The following NFIA variants were observed in gnomAD, a reference collection of about 807,000 sequenced individuals.
The protein encoded by NFIA is nuclear factor 1 A-type.
In NFIA, 8 loss-of-function variants were observed where a neutral mutation model predicts 62.8. The ratio of observed to expected loss-of-function variants is 0.13; its 90% CI spans 0.07 to 0.23. The LOEUF is 0.23. Ranked by LOEUF, NFIA falls within the 10% of genes least tolerant of loss-of-function variation. The pLI is 1.00. For missense variants in NFIA, 410 were observed against 642.1 expected (o/e 0.64, Z 3.91); for synonymous variants, 235 against 238.1 (o/e 0.99, Z 0.12).
At chr1:61,352,167 G>A (rs989316403) in intron 4 of NFIA, among the ~76,000 whole-genome samples, 4 of 152,176 alleles carry the variant, frequency 2.6e-5, no homozygotes, top group Non-Finnish European at 4.4e-5. Context: ...AAAATGTGGG[G>A]AAGTATTTTT....
Position 61,088,754 on chromosome 1 carries a change from G to A in NFIA, c.559+74G>A, listed in dbSNP as rs1646264437. 1.3e-6 allele frequency: 2 copies of A among 1,502,832 alleles called. No individual in the cohort carries two copies. The highest frequency in any genetic ancestry group is 4.0e-5 in the Admixed American group (2 of 49,384). The allele number at this position is 1,502,832 out of a possible 1,614,324, so 93.1% of individuals were successfully genotyped here. A position where few individuals can be genotyped will look rare whatever the true frequency, so the allele number is the denominator to read the frequency against. Reference sequence around the variant, plus strand: ...TCCTGATGGCCTCCGCGTTATGCCGGATTCTTCCTGAGCTCCCCAAGTTGC... The same window carrying A: ...TCCTGATGGCCTCCGCGTTATGCCGAATTCTTCCTGAGCTCCCCAAGTTGC... On this transcript the variant is annotated intron_variant, in intron 2 of 10. Coordinates refer to ENST00000403491, the MANE Select transcript of NFIA (RefSeq NM_001134673.4). The surrounding 1 kb of genome is among the most constrained non-coding windows in gnomAD (Gnocchi z 4.5).
At chr1:61,320,508 G>T (rs771995568) in intron 3 of NFIA, among the ~76,000 whole-genome samples, 3 of 152,130 alleles carry the variant, frequency 2.0e-5, no homozygotes, top group African/African-American at 7.2e-5. Flanking sequence ...ATTTGGAGAC[G>T]TATATAATAG....
At chr1:61,417,308 T>C (rs938096128) in intron 9 of NFIA, among the ~76,000 whole-genome samples, 1 of 147,456 alleles carries the variant, frequency 6.8e-6, no homozygotes, top group Non-Finnish European at 1.5e-5. Flanking sequence ...TATAAGATGA[T>C]TGTGACCATA....
chr1:61,390,331 CA>C (rs369484896), intron 7 of NFIA, among the ~76,000 whole-genome samples: 1,851 of 145,618 alleles, frequency 0.013, 36 homozygotes, highest in African/African-American at 0.04. Context: ...CTTTATGAGT[CA>C]AAAAAAAAAA....
intron 2 of NFIA, among the ~76,000 whole-genome samples, chr1:61,257,329 GTTTTTTTTT>G (rs67912567): frequency 9.1e-5 from 5 of 54,696 alleles, no homozygotes; most frequent in South Asian, 1.2e-3. Context: ...TTACTGCGTT[GTTTTTTTTT>G]TTTTTTTTTT....
chr1:61,296,390 G>A (rs1659190743), intron 3 of NFIA, among the ~76,000 whole-genome samples: 1 of 152,062 alleles, frequency 6.6e-6, no homozygotes, highest in African/African-American at 2.4e-5. Flanking sequence ...CTTTTACTTA[G>A]GCTTTTCTTT....
At chr1:61,182,328 A>AT (rs1180297437) in intron 2 of NFIA, among the ~76,000 whole-genome samples, 1 of 152,192 alleles carries the variant, frequency 6.6e-6, no homozygotes, top group Admixed American at 6.5e-5. Context: ...ACTTGATACT[A>AT]TAAGTCCTAG....
At chr1:61,362,719 G>C (rs1025822128) in intron 6 of NFIA, among the ~76,000 whole-genome samples, 3 of 152,184 alleles carry the variant, frequency 2.0e-5, no homozygotes, top group African/African-American at 7.2e-5. Context: ...AAAAACATCA[G>C]ACAACTTCAG....
Position 61,200,052 on chromosome 1 carries a change from A to G in NFIA, c.560-77468A>G, listed in dbSNP as rs1247004221. Among the ~76,000 whole-genome samples, 265 of 52,278 alleles carry G rather than the reference A, an allele frequency of 5.1e-3. 10 individuals are homozygous for G. Among genetic ancestry groups the G allele is most frequent in the African/African-American group, 0.026 (239 of 9,128 alleles). 34.3% of individuals were successfully genotyped at this position (52,278 alleles called of 152,430 possible). A position where few individuals can be genotyped will look rare whatever the true frequency, so the allele number is the denominator to read the frequency against. ...TATATATATATATATATATATATAT[A>G]TATATATATATATATGTATGTATGT... On this transcript the variant is annotated intron_variant, in intron 2 of 10. Coordinates refer to ENST00000403491, the MANE Select transcript of NFIA (RefSeq NM_001134673.4).
At chr1:61,448,319 A>G (rs6656834) in intron 10 of NFIA, among the ~76,000 whole-genome samples, 24,378 of 152,138 alleles carry the variant, frequency 0.16, 4,610 homozygotes, top group African/African-American at 0.46. Context: ...TTATTTTCTC[A>G]AGAACTTTCT....
At chr1:61,451,660 CA>C (rs1557450074) in intron 10 of NFIA, among the ~76,000 whole-genome samples, 1 of 152,158 alleles carries the variant, frequency 6.6e-6, no homozygotes, top group Non-Finnish European at 1.5e-5. Flanking sequence ...TGGACCTCCA[CA>C]ACAACTATAG....
intron 2 of NFIA, among the ~76,000 whole-genome samples, chr1:61,246,929 A>G (rs1655683540): frequency 1.3e-5 from 2 of 152,220 alleles, no homozygotes; most frequent in African/African-American, 2.4e-5. Flanking sequence ...TGGATGCTCA[A>G]GAATCCTGAA....
intron 2 of NFIA, among the ~76,000 whole-genome samples, chr1:61,157,570 G>A (rs545868544): frequency 6.6e-6 from 1 of 152,350 alleles, no homozygotes; most frequent in Non-Finnish European, 1.5e-5. Context: ...AAACGTGGCA[G>A]CCTGCAGCAC....
intron 3 of NFIA, among the ~76,000 whole-genome samples, chr1:61,322,260 T>C (rs564290690): frequency 6.6e-6 from 1 of 152,334 alleles, no homozygotes; most frequent in South Asian, 2.1e-4. Flanking sequence ...AGGGATAAGT[T>C]AGTAGTTATG....
At chr1:61,171,273 T>C (rs536016934) in intron 2 of NFIA, among the ~76,000 whole-genome samples, 1 of 152,352 alleles carries the variant, frequency 6.6e-6, no homozygotes, top group East Asian at 1.9e-4. Context: ...AGGATGATGA[T>C]GTTTAACCCA....
At chr1:61,217,901 A>G (rs965821652) in intron 2 of NFIA, among the ~76,000 whole-genome samples, 7 of 152,176 alleles carry the variant, frequency 4.6e-5, no homozygotes, top group African/African-American at 1.7e-4. Flanking sequence ...CAGCTCCTAA[A>G]AGGGCAGTTG....
chr1:61,094,678 A>G (rs900030246), intron 2 of NFIA, among the ~76,000 whole-genome samples: 1 of 152,216 alleles, frequency 6.6e-6, no homozygotes, highest in African/African-American at 2.4e-5. Context: ...TAAGATACTC[A>G]TTATTGATCC....
Position 61,112,802 on chromosome 1 carries a change from G to C in NFIA, c.559+24122G>C, listed in dbSNP as rs1169321951. On this transcript the variant is annotated intron_variant, in intron 2 of 10. Transcript: ENST00000403491. ...ACAAAAGTCTGCTGCACTTTCTTTT[G>C]TAGGCCTAACATTCATTTCATATGC... Among the ~76,000 whole-genome samples the C allele has an allele frequency of 2.0e-5, 3 of 152,074 alleles. No individual in the cohort carries two copies. In the East Asian group the frequency reaches 5.8e-4, roughly 29 times the overall value.
chr1:61,105,796 C>G (rs536942143), intron 2 of NFIA, among the ~76,000 whole-genome samples: 26 of 151,768 alleles, frequency 1.7e-4, no homozygotes, highest in Middle Eastern at 3.4e-3. Flanking sequence ...ACTTAGCACA[C>G]CTAGGAAGGC....
Sources: allele counts gnomAD v4.1 joint callset (sites outside exome capture counted in the v4.1 genomes callset), GRCh38; gene constraint gnomAD v4.1.1; non-coding constraint Gnocchi (gnomAD v3.1); transcripts MANE v1.5; gene names NCBI Gene and HGNC (gene_info 2026-07-23, HGNC 2026-07-21).